The following HSD17B14 variants were observed in gnomAD, a reference collection of about 807,000 sequenced individuals.
HSD17B14 encodes hydroxysteroid 17-beta dehydrogenase 14.
Under a neutral mutation model 32.2 loss-of-function variants are expected in HSD17B14, and 32 were observed. That is an observed-to-expected ratio of 0.99 (90% CI 0.75 to 1.33). The LOEUF (loss-of-function observed/expected upper bound fraction) is 1.33, where lower values mean the gene tolerates loss of function less well. Ranked by LOEUF, HSD17B14 falls within the 40% of genes most tolerant of loss-of-function variation. HSD17B14 has a pLI of 0.00. For synonymous variants in HSD17B14, 140 were observed against 155.4 expected (o/e 0.90, Z 0.74); for missense variants, 370 against 366.5 (o/e 1.01, Z -0.08).
intron 5 of HSD17B14, among the ~76,000 whole-genome samples, chr19:48,831,119 G>A (rs1357740105): frequency 6.6e-6 from 1 of 152,082 alleles, no homozygotes. Flanking sequence ...AAAGGTGTGA[G>A]CCACTGTGTC....
intron 5 of HSD17B14, among the ~76,000 whole-genome samples, chr19:48,821,459 C>T (rs2035147191): frequency 6.6e-6 from 1 of 152,148 alleles, no homozygotes; most frequent in South Asian, 2.1e-4. Context: ...CCCTTGTTTT[C>T]CCTAGCCTAG....
At chr19:48,831,099 C>T (rs1449085445) in intron 5 of HSD17B14, among the ~76,000 whole-genome samples, 3 of 152,062 alleles carry the variant, frequency 2.0e-5, no homozygotes, top group Non-Finnish European at 2.9e-5. Context: ...CCTCCCAAAG[C>T]ACTGGGATTA....
intron 6 of HSD17B14, 108 bp downstream of exon 6, chr19:48,814,929 T>C: frequency 1.3e-6 from 1 of 769,388 alleles, no homozygotes; most frequent in Non-Finnish European, 2.2e-6. Flanking sequence ...GGTGTGAGAC[T>C]TTCTAGGGCC....
At chr19:48,821,600 G>T (rs2035149210) in intron 5 of HSD17B14, among the ~76,000 whole-genome samples, 1 of 151,732 alleles carries the variant, frequency 6.6e-6, no homozygotes, top group Non-Finnish European at 1.5e-5. Context: ...GTGGCTGAGA[G>T]AGAAGAGAAA....
In HSD17B14 at chr19:48,835,859, G is replaced by A; in HGVS notation, c.89-16C>T. 2 of 1,613,138 alleles carry A rather than the reference G, an allele frequency of 1.2e-6. No individual in the cohort carries two copies. Among genetic ancestry groups the A allele is most frequent in the Non-Finnish European group, 1.7e-6 (2 of 1,179,438 alleles). ...CCGCTGTTCACTGAGAATAGGAAGG[G>A]AACAGGTTACTCTCCGAGCCTTGGT... On this transcript the variant is annotated splice_polypyrimidine_tract_variant and intron_variant, in intron 1 of 8. Transcript: ENST00000263278.
intron 5 of HSD17B14, among the ~76,000 whole-genome samples, chr19:48,819,053 A>G (rs185428402): frequency 3.5e-4 from 54 of 152,236 alleles, no homozygotes; most frequent in Non-Finnish European, 5.0e-4. Flanking sequence ...CAGTGGCACG[A>G]TCTCGGCTCA....
At chr19:48,831,568 T>C (rs2035335612) in intron 5 of HSD17B14, 100 bp downstream of exon 5, 2 of 862,928 alleles carry the variant, frequency 2.3e-6, no homozygotes, top group Non-Finnish European at 4.0e-6. Flanking sequence ...AACAAACAAA[T>C]AAAAAGAACG....
intron 5 of HSD17B14, among the ~76,000 whole-genome samples, chr19:48,826,525 G>GAAAAAAAAAAA (rs1418028808): frequency 0.071 from 355 of 5,026 alleles, 7 homozygotes; most frequent in East Asian, 0.19. Context: ...AAGAAAAGAA[G>GAAAAAAAAAAA]AAAATATATA....
chr19:48,821,043 C>A (rs2122757036), intron 5 of HSD17B14, among the ~76,000 whole-genome samples: 1 of 141,646 alleles, frequency 7.1e-6, no homozygotes, highest in South Asian at 2.3e-4. Flanking sequence ...GACAGAGTCT[C>A]ACTCTGTCAC....
chr19:48,819,814 C>G (rs1377184609), intron 5 of HSD17B14, among the ~76,000 whole-genome samples: 2 of 152,182 alleles, frequency 1.3e-5, no homozygotes, highest in Non-Finnish European at 2.9e-5. Flanking sequence ...AAGGACAGAG[C>G]CTACATGTAC....
Position 48,832,660 on chromosome 19 carries a change from A to C in HSD17B14, c.277+6T>G. 5.0e-6 allele frequency: 8 copies of C among 1,612,476 alleles called. No individual in the cohort carries two copies. Among genetic ancestry groups the C allele is most frequent in the Non-Finnish European group, 6.8e-6 (8 of 1,179,514 alleles). ...TGGAGAATGGCCCTGGGGTCTCACA[A>C]CTCACGGTGGCCAGCGTTGTTGACA... is the stretch of plus-strand genomic sequence containing the variant. On this transcript the variant is annotated splice_donor_region_variant and intron_variant, in intron 4 of 8. Coordinates refer to ENST00000263278, the MANE Select transcript of HSD17B14 (RefSeq NM_016246.3).
chr19:48,834,239 T>C, intron 3 of HSD17B14, 37 bp downstream of exon 3: 1 of 1,520,996 alleles, frequency 6.6e-7, no homozygotes, highest in Non-Finnish European at 9.1e-7. Context: ...AACTGGTCAT[T>C]AGCGGAGATG....
In HSD17B14 at chr19:48,813,334, C is replaced by T. The variant is rs902454295; in HGVS notation, c.654G>A (p.Met218Ile). ...CAGCCCCGACCTCAGCGGGCTGGCC[C>T]ATGCGGCCCAGTGGCTGGGGAGAAA... Reference protein sequence around the residue: ...EGMLAQPLGRMGQPAEVGAAA... With the variant: ...EGMLAQPLGRIGQPAEVGAAA... Residue 218 changes from methionine to isoleucine, a missense_variant, in exon 9 of 9, where the codon ATG (methionine) becomes ATA (isoleucine). Transcript: ENST00000263278. 2.5e-6 allele frequency: 4 copies of T among 1,584,706 alleles called. No homozygotes were observed. Among genetic ancestry groups the T allele is most frequent in the South Asian group, 2.3e-5 (2 of 87,444 alleles).
chr19:48,828,472 G>A (rs1350173300), intron 5 of HSD17B14, among the ~76,000 whole-genome samples: 2 of 151,868 alleles, frequency 1.3e-5, no homozygotes, highest in African/African-American at 4.8e-5. Flanking sequence ...TTAAAAATTA[G>A]TCAGTCATAG....
intron 3 of HSD17B14, 110 bp downstream of exon 3, chr19:48,834,166 G>A (rs1460025069): frequency 2.4e-6 from 2 of 846,384 alleles, no homozygotes; most frequent in Non-Finnish European, 3.9e-6. Flanking sequence ...GAGTCCAGCG[G>A]AGCCAGGAGA....
At chr19:48,835,593 G>GGAGCCT (rs2122821559) in intron 2 of HSD17B14, among the ~76,000 whole-genome samples, 1 of 143,938 alleles carries the variant, frequency 6.9e-6, no homozygotes, top group South Asian at 2.2e-4. Context: ...GGAGGGGCTG[G>GGAGCCT]GGACCTGGAC....
At chr19:48,821,340 A>G (rs1806818134) in intron 5 of HSD17B14, among the ~76,000 whole-genome samples, 1 of 152,172 alleles carries the variant, frequency 6.6e-6, no homozygotes, top group African/African-American at 2.4e-5. Flanking sequence ...TTAAGGAACA[A>G]TCCAGCTCTG....
In HSD17B14 at chr19:48,834,420, CTTGGACTCCTGGGTCTGAGGGAGGAGGTG is replaced by C. The variant is rs1568525908; in HGVS notation, c.128-91_128-63del. The C allele has an allele frequency of 1.7e-5, 17 of 1,017,612 alleles. 1 individual carries two copies. The highest frequency in any genetic ancestry group is 2.2e-5 in the Non-Finnish European group (15 of 681,108). 63.0% of individuals were successfully genotyped at this position (1,017,612 alleles called of 1,614,324 possible). ...GGTCTCAGGGAGGAGGGGTTGGGGA[CTTGGACTCCTGGGTCTGAGGGAGGAGGTG>C]CTGGGGGCCTGGACTCCTGGGTCTG... On this transcript the variant is annotated intron_variant, in intron 2 of 8. Coordinates refer to ENST00000263278, the MANE Select transcript of HSD17B14 (RefSeq NM_016246.3).
intron 5 of HSD17B14, among the ~76,000 whole-genome samples, chr19:48,830,540 C>T (rs984943160): frequency 6.6e-6 from 1 of 152,040 alleles, no homozygotes; most frequent in East Asian, 1.9e-4. Context: ...GAATTTTGAG[C>T]GCTAGCCGTC....
Sources: allele counts gnomAD v4.1 joint callset (sites outside exome capture counted in the v4.1 genomes callset), GRCh38; gene constraint gnomAD v4.1.1; transcripts MANE v1.5; gene names NCBI Gene and HGNC (gene_info 2026-07-23, HGNC 2026-07-21).